The following FECH variants were observed in gnomAD, a reference collection of about 807,000 sequenced individuals.
The protein encoded by FECH is ferrochelatase, mitochondrial.
FECH carries 40 observed loss-of-function variants against 56.9 expected under a neutral mutation model. The ratio of observed to expected loss-of-function variants is 0.70; its 90% confidence interval spans 0.55 to 0.92. The LOEUF is 0.92. Ranked by LOEUF, FECH falls within the 40% of genes least tolerant of loss-of-function variation. The pLI is 0.00. For missense variants in FECH, 431 were observed against 529.1 expected (o/e 0.81, Z 1.82); for synonymous variants, 175 against 198.6 (o/e 0.88, Z 1.00).
intron 3 of FECH, among the ~76,000 whole-genome samples, chr18:57,572,088 G>A (rs1360985167): frequency 1.3e-5 from 2 of 152,124 alleles, no homozygotes; most frequent in African/African-American, 4.8e-5. Context: ...ATCAAAAAAT[G>A]AGCCAGACCT....
intron 1 of FECH, 47 bp from the exon 2 acceptor site, chr18:57,580,246 T>C (rs760434644): frequency 1.2e-6 from 2 of 1,612,518 alleles, no homozygotes; most frequent in Non-Finnish European, 1.7e-6. Context: ...TAGAAAGTAA[T>C]TTCTTCTGAA....
intron 5 of FECH, among the ~76,000 whole-genome samples, chr18:57,564,556 T>C (rs2050991667): frequency 6.6e-6 from 1 of 152,200 alleles, no homozygotes; most frequent in South Asian, 2.1e-4. Context: ...CAGTTGAAAA[T>C]GGTAGTCAGG....
Position 57,586,253 on chromosome 18 carries a change from T to C in FECH, c.67+301A>G, listed in dbSNP as rs528276237. 5.5e-4 allele frequency among the ~76,000 whole-genome samples: 84 copies of C among 152,334 alleles called. No homozygotes were observed. In the Middle Eastern group the frequency reaches 0.01, roughly 19 times the overall value. Reference sequence around the variant, plus strand: ...CGTAATCTTCTCAACAGCCTGGTTATTGCAGGTGACAATAACCAAGGCTCT... The same window carrying C: ...CGTAATCTTCTCAACAGCCTGGTTACTGCAGGTGACAATAACCAAGGCTCT... On this transcript the variant is annotated intron_variant, in intron 1 of 10. Transcript: ENST00000262093.
intron 9 of FECH, among the ~76,000 whole-genome samples, chr18:57,552,068 G>A (rs2050807706): frequency 6.6e-6 from 1 of 151,846 alleles, no homozygotes; most frequent in African/African-American, 2.4e-5. Flanking sequence ...ATTTTTGGTA[G>A]TGGCAAGGTT....
chr18:57,583,852 C>A (rs1440674612), intron 1 of FECH, among the ~76,000 whole-genome samples: 2 of 151,982 alleles, frequency 1.3e-5, no homozygotes, highest in Non-Finnish European at 2.9e-5. Flanking sequence ...AATGATCAAA[C>A]CGACAGATAA....
At chr18:57,551,026 A>G (rs1314500925) in intron 10 of FECH, 180 bp from the exon 11 acceptor site, 1 of 738,346 alleles carries the variant, frequency 1.4e-6, no homozygotes, top group East Asian at 2.7e-5. Context: ...CAGCTTACAG[A>G]AAGTTAAAAC....
Position 57,562,226 on chromosome 18 carries a change from G to A in FECH, c.705+648C>T, listed in dbSNP as rs116942090. On this transcript the variant is annotated intron_variant, in intron 6 of 10. Transcript: ENST00000262093. ...CAAAATTATATTTGCATAATTTAGG[G>A]CAATATTTTACCAATTGCCCTCCCA... Among the ~76,000 whole-genome samples the A allele has an allele frequency of 7.4e-3, 1,121 of 152,186 alleles. 19 individuals are homozygous for A. Among genetic ancestry groups the A allele is most frequent in the Admixed American group, 0.048 (730 of 15,280 alleles).
intron 2 of FECH, among the ~76,000 whole-genome samples, chr18:57,577,547 A>C (rs938308275): frequency 6.6e-6 from 1 of 152,228 alleles, no homozygotes; most frequent in Non-Finnish European, 1.5e-5. Flanking sequence ...TCACTGCTTC[A>C]CCATTTCTAA....
intron 7 of FECH, 87 bp from the exon 8 acceptor site, chr18:57,555,039 C>A: frequency 1.9e-6 from 2 of 1,032,340 alleles, no homozygotes; most frequent in East Asian, 2.4e-5. Context: ...AGTGTGAGCC[C>A]TGGAACAAAG....
intron 3 of FECH, 164 bp from the exon 4 acceptor site, chr18:57,571,704 G>T: frequency 1.1e-6 from 1 of 929,602 alleles, no homozygotes; most frequent in Non-Finnish European, 1.6e-6. Flanking sequence ...CAGCTCTCTT[G>T]TTGTAGAATA....
At chr18:57,582,359 T>C (rs1005505459) in intron 1 of FECH, among the ~76,000 whole-genome samples, 2 of 152,066 alleles carry the variant, frequency 1.3e-5, no homozygotes, top group African/African-American at 2.4e-5. Flanking sequence ...TGTAAGTAAG[T>C]ATATTCCAAA....
intron 5 of FECH, among the ~76,000 whole-genome samples, chr18:57,565,823 T>G (rs1174823696): frequency 6.6e-6 from 1 of 152,226 alleles, no homozygotes; most frequent in African/African-American, 2.4e-5. Flanking sequence ...TGGGTGACAG[T>G]AGCAGCTTTG....
chr18:57,578,859 T>A (rs1175737834), intron 2 of FECH, among the ~76,000 whole-genome samples: 1 of 151,632 alleles, frequency 6.6e-6, no homozygotes, highest in Non-Finnish European at 1.5e-5. Context: ...CTTGGGAGGC[T>A]GAGGCAGGAG....
At position 57,554,827 on chromosome 18, in the gene FECH, A is replaced by G; in HGVS notation, c.912+18T>C. On this transcript the variant is annotated intron_variant, in intron 8 of 10. Coordinates refer to ENST00000262093, the MANE Select transcript of FECH (RefSeq NM_000140.5). The stretch of plus-strand genomic sequence containing the variant: ...TACCAATAAGAGCTGGCCGCCCGCC[A>G]GTGTGGAAGCCACTTACCTTGGATT... The G allele has an allele frequency of 6.3e-7, 1 of 1,597,720 alleles. No homozygotes were observed. Among genetic ancestry groups the G allele is most frequent in the Middle Eastern group, 1.7e-4 (1 of 6,040 alleles).
intron 3 of FECH, 121 bp downstream of exon 3, chr18:57,573,125 C>T (rs1033009898): frequency 4.6e-5 from 46 of 1,008,710 alleles, no homozygotes; most frequent in Non-Finnish European, 6.0e-5. Flanking sequence ...GAAAACAATG[C>T]TGCTGTTTAA....
At chr18:57,574,534 T>G (rs1455156435) in intron 2 of FECH, among the ~76,000 whole-genome samples, 1 of 152,216 alleles carries the variant, frequency 6.6e-6, no homozygotes, top group Non-Finnish European at 1.5e-5. Flanking sequence ...TCAAGCAGCT[T>G]CTGGAAACTT....
Position 57,546,663 on chromosome 18 carries a change from T to C in FECH, c.*4049A>G, listed in dbSNP as rs1204640893. On this transcript the variant is annotated 3_prime_UTR_variant, in exon 11 of 11. Transcript: ENST00000262093. ...GTCAAAGGAGATTATTCCGGAACTTTAAGATTTATTGAGTAGGCCGGGGAT... is the reference window on the plus strand; with the variant it reads ...GTCAAAGGAGATTATTCCGGAACTTCAAGATTTATTGAGTAGGCCGGGGAT... Among the ~76,000 whole-genome samples, 1 of 152,142 alleles carries C rather than the reference T, an allele frequency of 6.6e-6. No homozygotes were observed. The highest frequency in any genetic ancestry group is 2.4e-5 in the African/African-American group (1 of 41,426).
rs1455575025 is a variant in FECH, at chr18:57,586,641, G to A, written c.-21C>T. On this transcript the variant is annotated 5_prime_UTR_variant, in exon 1 of 11. Transcript: ENST00000262093. ...CGCATTGCCTGGGCAGCCTCGGCCC[G>A]AGTCCGGGCTCCTCCCGCGGCGGCG... The A allele has an allele frequency of 8.0e-6, 12 of 1,499,222 alleles. No individual in the cohort carries two copies. The highest frequency in any genetic ancestry group is 7.3e-5 in the African/African-American group (5 of 68,768). 92.9% of individuals were successfully genotyped at this position (1,499,222 alleles called of 1,614,324 possible). A position where few individuals can be genotyped will look rare whatever the true frequency, so the allele number is the denominator to read the frequency against.
chr18:57,585,339 C>T (rs113802306), intron 1 of FECH, among the ~76,000 whole-genome samples: 2 of 152,188 alleles, frequency 1.3e-5, no homozygotes, highest in East Asian at 1.9e-4. Flanking sequence ...CTTCTGCTAG[C>T]GTTTCTGAAT....
Sources: allele counts gnomAD v4.1 joint callset (sites outside exome capture counted in the v4.1 genomes callset), GRCh38; gene constraint gnomAD v4.1.1; transcripts MANE v1.5; gene names NCBI Gene and HGNC (gene_info 2026-07-23, HGNC 2026-07-21).